STT3B: variants seen among roughly 807,000 people sequenced by gnomAD.
The protein encoded by STT3B is dolichyl-diphosphooligosaccharide--protein glycosyltransferase subunit STT3B.
STT3B carries 29 observed loss-of-function variants against 96.8 expected under a neutral mutation model. That is an observed-to-expected ratio of 0.30 (90% CI 0.22 to 0.41). The LOEUF is 0.41. Ranked by LOEUF, STT3B falls within the 10% of genes least tolerant of loss-of-function variation. STT3B has a pLI of 1.00. For synonymous variants in STT3B, 367 were observed against 360.0 expected, an observed-to-expected ratio of 1.02 and a Z score of -0.22; for missense variants, 640 against 1,022.3, an observed-to-expected ratio of 0.63 and a Z score of 5.10.
chr3:31,625,606 A>G (rs932809721), intron 12 of STT3B, among the ~76,000 whole-genome samples: 1 of 152,212 alleles, frequency 6.6e-6, no homozygotes, highest in Non-Finnish European at 1.5e-5. Flanking sequence ...ACTGGGGAGA[A>G]GAAATGTATG....
intron 2 of STT3B, 105 bp from the exon 3 acceptor site, chr3:31,579,704 C>A: frequency 1.1e-6 from 1 of 930,310 alleles, no homozygotes. Context: ...ATGTTGCTTT[C>A]AAACTTATGT....
In STT3B at chr3:31,587,414, T is replaced by A. The variant is rs186402404; in HGVS notation, c.711+7318T>A. 1.7e-3 allele frequency among the ~76,000 whole-genome samples: 253 copies of A among 152,248 alleles called. 2 individuals are homozygous for A. The highest frequency in any genetic ancestry group is 5.1e-3 in the African/African-American group (212 of 41,540). ...ATATGTTGCCTTTTGTATCTTTTTTTAAAATTTTCAAATTAGATGGGTTCT... is the reference window on the plus strand; with the variant it reads ...ATATGTTGCCTTTTGTATCTTTTTTAAAAATTTTCAAATTAGATGGGTTCT... On this transcript the variant is annotated intron_variant, in intron 3 of 15. Transcript: ENST00000295770.
chr3:31,574,027 G>A (rs1419692481), intron 1 of STT3B, among the ~76,000 whole-genome samples: 4 of 152,100 alleles, frequency 2.6e-5, no homozygotes, highest in Non-Finnish European at 5.9e-5. Context: ...TACTTGTCAG[G>A]AAAACTTTAT....
At chr3:31,605,696 CTT>C (rs1249524916) in intron 5 of STT3B, among the ~76,000 whole-genome samples, 1 of 152,156 alleles carries the variant, frequency 6.6e-6, no homozygotes, top group Non-Finnish European at 1.5e-5. Flanking sequence ...TCAGGTATGT[CTT>C]TATCAGCAGC....
At chr3:31,610,475 G>A (rs1329784706) in intron 5 of STT3B, among the ~76,000 whole-genome samples, 1 of 98,928 alleles carries the variant, frequency 1.0e-5, no homozygotes, top group African/African-American at 2.7e-5. Flanking sequence ...CACTGTCAAT[G>A]TAAGCTGCAA....
At chr3:31,563,605 C>T (rs1396497526) in intron 1 of STT3B, among the ~76,000 whole-genome samples, 4 of 152,160 alleles carry the variant, frequency 2.6e-5, no homozygotes, top group African/African-American at 9.7e-5. Context: ...AATATTTGAA[C>T]TAAAATCAGA....
chr3:31,593,011 C>T (rs1350989812), intron 3 of STT3B, among the ~76,000 whole-genome samples: 1 of 152,112 alleles, frequency 6.6e-6, no homozygotes. Flanking sequence ...GAGTGCAGAA[C>T]CTCAGTACTT....
At chr3:31,571,928 CAT>C (rs933453256) in intron 1 of STT3B, among the ~76,000 whole-genome samples, 1 of 79,230 alleles carries the variant, frequency 1.3e-5, no homozygotes, top group African/African-American at 3.3e-5. Flanking sequence ...GATTATATAT[CAT>C]ATATATTATA....
At chr3:31,569,072 C>T (rs1181699451) in intron 1 of STT3B, among the ~76,000 whole-genome samples, 1 of 152,048 alleles carries the variant, frequency 6.6e-6, no homozygotes, top group African/African-American at 2.4e-5. Flanking sequence ...AACAGTGGTG[C>T]GATTATAGCT....
intron 1 of STT3B, among the ~76,000 whole-genome samples, chr3:31,567,821 TC>T (rs1301534970): frequency 6.6e-6 from 1 of 152,224 alleles, no homozygotes. Context: ...AGTCATCACC[TC>T]ACGCATTTAT....
intron 1 of STT3B, among the ~76,000 whole-genome samples, chr3:31,534,705 G>GC (rs1697040974): frequency 6.6e-6 from 1 of 152,124 alleles, no homozygotes; most frequent in Admixed American, 6.5e-5. Flanking sequence ...CACCAGAGGG[G>GC]CCCACTCATG....
chr3:31,611,576 A>G (rs1286658202), intron 5 of STT3B, among the ~76,000 whole-genome samples: 1 of 152,176 alleles, frequency 6.6e-6, no homozygotes, highest in East Asian at 1.9e-4. Context: ...AGCTCACTGC[A>G]ACCTCTGCCT....
Position 31,626,005 on chromosome 3 carries a change from A to T in STT3B, c.1951A>T (p.Thr651Ser), listed in dbSNP as rs781776783. 1.5e-5 allele frequency: 24 copies of T among 1,613,334 alleles called. 1 individual carries two copies. The South Asian group carries it at 2.6e-4, about 18-fold the overall frequency. Residue 651 changes from threonine to serine, a missense_variant, in exon 13 of 16, where the codon ACT (threonine) becomes TCT (serine). Physicochemically the swap from Thr to Ser is moderately conservative, Grantham distance 58. Transcript: ENST00000295770. ...AACAGCAGCCTATAAAATCATGAGG[A>T]CTCTAGATGTAGATTATGTTTTGGT... ...NETAAYKIMR[T>S]LDVDYVLVIF...
chr3:31,588,999 T>C (rs1004036425), intron 3 of STT3B, among the ~76,000 whole-genome samples: 16 of 152,074 alleles, frequency 1.1e-4, no homozygotes, highest in African/African-American at 3.9e-4. Flanking sequence ...AATTGATTTG[T>C]TGATGTCCAC....
At chr3:31,564,403 T>C (rs1697952488) in intron 1 of STT3B, among the ~76,000 whole-genome samples, 1 of 152,214 alleles carries the variant, frequency 6.6e-6, no homozygotes, top group African/African-American at 2.4e-5. Flanking sequence ...TGATGTGAAA[T>C]AGACCCCTGG....
chr3:31,633,402 C>T (rs1559395314), intron 15 of STT3B, among the ~76,000 whole-genome samples: 1 of 152,158 alleles, frequency 6.6e-6, no homozygotes, highest in Non-Finnish European at 1.5e-5. Context: ...GTAAGACTTA[C>T]TTGTAAAGTA....
chr3:31,606,647 A>T (rs1193313577), intron 5 of STT3B, among the ~76,000 whole-genome samples: 2 of 152,230 alleles, frequency 1.3e-5, no homozygotes, highest in Non-Finnish European at 2.9e-5. Context: ...GTCCAGGCAG[A>T]AGTTTGCTGG....
At chr3:31,614,870 A>G (rs1341149845) in intron 5 of STT3B, among the ~76,000 whole-genome samples, 1 of 151,958 alleles carries the variant, frequency 6.6e-6, no homozygotes, top group Non-Finnish European at 1.5e-5. Context: ...CACAAGTCTC[A>G]CAAACTGTTG....
In STT3B at chr3:31,636,040, G is replaced by A. The variant is rs760936828; in HGVS notation, c.2457G>A (p.Lys819=). The change falls in exon 16 of 16, where the codon AAG becomes AAA. Residue 819 remains lysine (K), a synonymous_variant. Transcript: ENST00000295770. ...IKNKLVFKKG[K]KISKKTV ...ATAAGCTGGTTTTTAAGAAAGGCAA[G>A]AAAATATCTAAGAAGACTGTTTAAA... is the stretch of plus-strand genomic sequence containing the variant. The A allele has an allele frequency of 6.2e-6, 10 of 1,609,506 alleles. No homozygotes were observed. Among genetic ancestry groups the A allele is most frequent in the Middle Eastern group, 1.7e-4 (1 of 6,048 alleles).
Sources: allele counts gnomAD v4.1 joint callset (sites outside exome capture counted in the v4.1 genomes callset), GRCh38; gene constraint gnomAD v4.1.1; transcripts MANE v1.5; gene names NCBI Gene and HGNC (gene_info 2026-07-23, HGNC 2026-07-21).